The following ZNF385D variants were observed in gnomAD, a reference collection of about 807,000 sequenced individuals.
The protein encoded by ZNF385D is zinc finger protein 659.
ZNF385D carries 15 observed loss-of-function variants against 35.8 expected under a neutral mutation model. The observed-to-expected ratio is 0.42, with a 90% CI of 0.28 to 0.64. The LOEUF is 0.64. ZNF385D is among the 30% of genes least tolerant of loss of function. The pLI is 0.23. For synonymous variants in ZNF385D, 212 were observed against 186.8 expected (o/e 1.13, Z -1.10); for missense variants, 474 against 494.6 (o/e 0.96, Z 0.39).
rs755119356 is a variant in ZNF385D, at chr3:21,511,037, C to T, written c.277-14G>A. The T allele has an allele frequency of 1.2e-6, 2 of 1,613,644 alleles. No homozygotes were observed. Among genetic ancestry groups the T allele is most frequent in the East Asian group, 2.2e-5 (1 of 44,822 alleles). ...CGCAGCCTGGCTCTACAAAGGAGAA[C>T]AAAATGAACCATGCAATCAGGCTCA... On this transcript the variant is annotated splice_polypyrimidine_tract_variant and intron_variant, in intron 3 of 7. Coordinates refer to ENST00000281523, the MANE Select transcript of ZNF385D (RefSeq NM_024697.3).
chr3:21,627,277 G>GTC (rs2065162668), intron 2 of ZNF385D, among the ~76,000 whole-genome samples: 3 of 150,226 alleles, frequency 2.0e-5, no homozygotes, highest in Middle Eastern at 3.4e-3. Flanking sequence ...GTGTGTGTGT[G>GTC]TGTGTGTGTG....
intron 3 of ZNF385D, among the ~76,000 whole-genome samples, chr3:22,127,444 A>T (rs1422061659): frequency 7.0e-6 from 1 of 142,538 alleles, no homozygotes; most frequent in Non-Finnish European, 1.5e-5. Flanking sequence ...GCTTCAAGCG[A>T]TTCTCCTGCC....
chr3:22,358,801 A>T (rs183557791), intron 2 of ZNF385D, among the ~76,000 whole-genome samples: 14 of 151,976 alleles, frequency 9.2e-5, no homozygotes, highest in Non-Finnish European at 1.5e-5. Context: ...TTACAGTAAC[A>T]GAGCTACCAG....
intron 2 of ZNF385D, among the ~76,000 whole-genome samples, chr3:21,630,249 CTGG>C (rs2065243808): frequency 2.0e-5 from 3 of 147,976 alleles, no homozygotes; most frequent in Non-Finnish European, 3.0e-5. Context: ...GTTGCCCAGG[CTGG>C]AGTACAATGT....
intron 2 of ZNF385D, among the ~76,000 whole-genome samples, chr3:22,252,635 C>G (rs1700120153): frequency 6.6e-6 from 1 of 151,986 alleles, no homozygotes; most frequent in South Asian, 2.1e-4. Context: ...TTCTAGGTAC[C>G]TGAGGAAGGC....
intron 3 of ZNF385D, among the ~76,000 whole-genome samples, chr3:21,534,988 T>C (rs34210950): frequency 0.04 from 6,034 of 152,226 alleles, 188 homozygotes; most frequent in Non-Finnish European, 0.059. Context: ...CAGATGATGT[T>C]CTCTTAGTAT....
intron 2 of ZNF385D, among the ~76,000 whole-genome samples, chr3:22,310,493 T>A (rs1703479064): frequency 1.3e-5 from 2 of 152,016 alleles, no homozygotes; most frequent in South Asian, 4.1e-4. Flanking sequence ...ATCCAGGTTT[T>A]CACTGTTGTA....
chr3:21,894,302 TA>T (rs1699024254), intron 3 of ZNF385D, among the ~76,000 whole-genome samples: 1 of 152,154 alleles, frequency 6.6e-6, no homozygotes, highest in African/African-American at 2.4e-5. Context: ...ATGTTATACT[TA>T]GTCAATTCAT....
At position 21,635,726 on chromosome 3, in the gene ZNF385D, C is replaced by G. The variant is rs149088424; in HGVS notation, c.165+29160G>C. On this transcript the variant is annotated intron_variant, in intron 2 of 7. Transcript: ENST00000281523. ...TCACCCTCCCTGTCATCCTTTGTCC[C>G]GAGTCCCCAAAGTCCATTGTATCAT... 4.5e-3 allele frequency among the ~76,000 whole-genome samples: 692 copies of G among 152,126 alleles called. 4 individuals are homozygous for G. The highest frequency in any genetic ancestry group is 8.1e-3 in the Admixed American group (123 of 15,262).
chr3:21,492,836 G>A (rs1242001744), intron 4 of ZNF385D, among the ~76,000 whole-genome samples: 3 of 151,140 alleles, frequency 2.0e-5, no homozygotes, highest in Non-Finnish European at 4.4e-5. Context: ...ATACAACTGA[G>A]AAAAACTATC....
At chr3:21,460,716 G>A (rs1395385771) in intron 4 of ZNF385D, among the ~76,000 whole-genome samples, 1 of 151,912 alleles carries the variant, frequency 6.6e-6, no homozygotes, top group Non-Finnish European at 1.5e-5. Flanking sequence ...ATACAATGAA[G>A]TTACTTATTA....
At chr3:21,936,536 GT>G (rs749107212) in intron 3 of ZNF385D, among the ~76,000 whole-genome samples, 18 of 151,660 alleles carry the variant, frequency 1.2e-4, no homozygotes, top group African/African-American at 3.6e-4. Flanking sequence ...GGAACACATA[GT>G]TTTTTTTATA....
intron 2 of ZNF385D, among the ~76,000 whole-genome samples, chr3:22,308,653 A>T (rs1243610217): frequency 1.3e-5 from 2 of 152,088 alleles, no homozygotes; most frequent in African/African-American, 2.4e-5. Context: ...TACTGAGATT[A>T]GAGTTTATTG....
At chr3:22,025,233 C>T (rs1697464772) in intron 3 of ZNF385D, among the ~76,000 whole-genome samples, 1 of 152,146 alleles carries the variant, frequency 6.6e-6, no homozygotes, top group South Asian at 2.1e-4. Context: ...TGTCTAAGGA[C>T]ATAAACTATG....
At chr3:22,309,734 T>C (rs558403419) in intron 2 of ZNF385D, among the ~76,000 whole-genome samples, 3 of 152,152 alleles carry the variant, frequency 2.0e-5, no homozygotes, top group African/African-American at 7.2e-5. Context: ...GTCACCACTC[T>C]TTTGAAAAGA....
At chr3:22,207,501 T>C (rs1327805136) in intron 2 of ZNF385D, among the ~76,000 whole-genome samples, 3 of 152,006 alleles carry the variant, frequency 2.0e-5, no homozygotes, top group African/African-American at 2.4e-5. Flanking sequence ...AATAAAATAT[T>C]GGGAAAACTC....
At chr3:22,270,659 T>G (rs953451661) in intron 2 of ZNF385D, among the ~76,000 whole-genome samples, 3 of 151,916 alleles carry the variant, frequency 2.0e-5, no homozygotes, top group East Asian at 3.9e-4. Context: ...TGATGTGAGA[T>G]CTTTACTTAT....
At chr3:21,500,033 C>T (rs1706244397) in intron 4 of ZNF385D, among the ~76,000 whole-genome samples, 1 of 152,126 alleles carries the variant, frequency 6.6e-6, no homozygotes, top group East Asian at 1.9e-4. Flanking sequence ...ACTGAAGTAG[C>T]TCACTAATTT....
intron 3 of ZNF385D, among the ~76,000 whole-genome samples, chr3:21,842,848 T>C (rs1252900765): frequency 6.6e-6 from 1 of 152,014 alleles, no homozygotes; most frequent in Non-Finnish European, 1.5e-5. Flanking sequence ...AAAAACAGAA[T>C]TCAAAATAAG....
Sources: gnomAD v4.1 joint callset for allele counts (sites outside exome capture counted in the v4.1 genomes callset) on GRCh38, gnomAD v4.1.1 for gene constraint, MANE v1.5 for transcripts, NCBI Gene and HGNC (gene_info 2026-07-23, HGNC 2026-07-21) for gene names.